The following NRG1 variants were observed in gnomAD, a reference collection of about 807,000 sequenced individuals.
NRG1 encodes pro-neuregulin-1, membrane-bound isoform.
In NRG1, 18 loss-of-function variants were observed where a neutral mutation model predicts 63.8. The observed-to-expected ratio is 0.28, with a 90% CI of 0.19 to 0.42. The LOEUF is 0.42. Ranked by LOEUF, NRG1 falls within the 10% of genes least tolerant of loss-of-function variation. The probability of loss-of-function intolerance (pLI) is 1.00; values close to 1 mark genes in which losing one functional copy is unlikely to be tolerated. For synonymous variants in NRG1, 302 were observed against 301.3 expected, an observed-to-expected ratio of 1.00 and a Z score of -0.02; for missense variants, 762 against 814.7, an observed-to-expected ratio of 0.94 and a Z score of 0.79.
intron 7 of NRG1, among the ~76,000 whole-genome samples, chr8:32,750,276 A>T (rs1018984107): frequency 1.3e-5 from 2 of 152,226 alleles, no homozygotes; most frequent in Non-Finnish European, 2.9e-5. Context: ...TTATCCAGAC[A>T]AGTAATCAAA....
Position 31,712,991 on chromosome 8 carries a change from A to T in NRG1, c.37+73560A>T, listed in dbSNP as rs112218995. On this transcript the variant is annotated intron_variant, in intron 1 of 10. Transcript: ENST00000519301. ...TCTCTGTCCATCCATCCACCCATCC[A>T]TCCATCCATCCATCCATCCATCCAT... 4.3e-4 allele frequency among the ~76,000 whole-genome samples: 16 copies of T among 37,198 alleles called. 1 individual carries two copies. The highest frequency in any genetic ancestry group is 1.4e-3 in the African/African-American group (14 of 9,712). 24.4% of individuals were successfully genotyped at this position (37,198 alleles called of 152,430 possible).
intron 5 of NRG1, among the ~76,000 whole-genome samples, chr8:32,718,149 C>A (rs73675423): frequency 0.019 from 2,952 of 152,076 alleles, 104 homozygotes; most frequent in African/African-American, 0.068. Context: ...TTAGTGTTAC[C>A]GGTGAGTATT....
At chr8:31,790,042 G>A (rs1280974689) in intron 1 of NRG1, among the ~76,000 whole-genome samples, 1 of 152,206 alleles carries the variant, frequency 6.6e-6, no homozygotes, top group African/African-American at 2.4e-5. Context: ...GTAAATAGCT[G>A]TGTTTTGGAT....
intron 1 of NRG1, among the ~76,000 whole-genome samples, chr8:31,779,914 A>C (rs968268806): frequency 1.3e-5 from 2 of 152,258 alleles, no homozygotes; most frequent in Non-Finnish European, 2.9e-5. Context: ...TTAGGGAATA[A>C]AGTATTCTTG....
intron 1 of NRG1, among the ~76,000 whole-genome samples, chr8:31,857,713 C>G (rs140294806): frequency 9.8e-5 from 15 of 152,308 alleles, no homozygotes; most frequent in African/African-American, 3.6e-4. Context: ...TTGCTAATGA[C>G]TTACTACTTG....
chr8:32,743,012 T>C, intron 7 of NRG1: 2 of 1,234,598 alleles, frequency 1.6e-6, no homozygotes, highest in Non-Finnish European at 2.0e-6. Flanking sequence ...TGATAGTCAA[T>C]ATCAAGCAGT....
chr8:32,019,284 C>G (rs7006547), intron 1 of NRG1, among the ~76,000 whole-genome samples: 63,193 of 151,962 alleles, frequency 0.42, 15,708 homozygotes, highest in African/African-American at 0.68. Context: ...ATTTTTAGTA[C>G]AGACGGGTTT....
At chr8:32,725,563 C>T (rs914424461) in intron 5 of NRG1, among the ~76,000 whole-genome samples, 3 of 147,200 alleles carry the variant, frequency 2.0e-5, no homozygotes, top group Admixed American at 6.9e-5. Context: ...GCAACCACCA[C>T]CTCCCAGGTT....
At chr8:31,868,165 C>A (rs1174978929) in intron 1 of NRG1, among the ~76,000 whole-genome samples, 1 of 150,628 alleles carries the variant, frequency 6.6e-6, no homozygotes, top group Non-Finnish European at 1.5e-5. Flanking sequence ...CACACACACA[C>A]ACACACACAC....
chr8:32,164,110 T>A (rs1261959066), intron 1 of NRG1, among the ~76,000 whole-genome samples: 2 of 152,182 alleles, frequency 1.3e-5, no homozygotes. Flanking sequence ...TTCATCCTTC[T>A]TTATGTTCTG....
At chr8:32,023,215 A>C (rs1816729480) in intron 1 of NRG1, among the ~76,000 whole-genome samples, 1 of 152,222 alleles carries the variant, frequency 6.6e-6, no homozygotes, top group Non-Finnish European at 1.5e-5. Context: ...ATTTCCCTTC[A>C]AATTCCTTCT....
chr8:32,157,338 A>C (rs1339485984), intron 1 of NRG1, among the ~76,000 whole-genome samples: 1 of 136,660 alleles, frequency 7.3e-6, no homozygotes, highest in African/African-American at 2.9e-5. Context: ...GCACTTCAGA[A>C]ACAGAGTGAG....
intron 1 of NRG1, among the ~76,000 whole-genome samples, chr8:32,343,560 A>T (rs1478072498): frequency 1.3e-5 from 2 of 152,142 alleles, no homozygotes; most frequent in Non-Finnish European, 2.9e-5. Flanking sequence ...AGCCTCAATG[A>T]CCTAATAAGC....
At chr8:32,076,101 C>A (rs149413423) in intron 1 of NRG1, among the ~76,000 whole-genome samples, 1 of 152,200 alleles carries the variant, frequency 6.6e-6, no homozygotes, top group African/African-American at 2.4e-5. Flanking sequence ...CTCCCCTGTT[C>A]TTTTCTGCCT....
intron 1 of NRG1, among the ~76,000 whole-genome samples, chr8:31,853,154 A>T (rs562011486): frequency 2.2e-4 from 34 of 152,248 alleles, no homozygotes; most frequent in Admixed American, 1.4e-3. Context: ...GAAGAAAGTC[A>T]TTGATAGCTT....
intron 1 of NRG1, among the ~76,000 whole-genome samples, chr8:32,108,131 C>T (rs184763156): frequency 6.6e-6 from 1 of 152,182 alleles, no homozygotes; most frequent in East Asian, 1.9e-4. Flanking sequence ...AGAACCATGA[C>T]CCTCCTCAAA....
rs567144670 is a variant in NRG1, at chr8:31,830,033, G to A, written c.37+190602G>A. On this transcript the variant is annotated intron_variant, in intron 1 of 10. Transcript: ENST00000519301. ...CCATCTAAACTTTTCTTTCTGGTGAGTTGATCTGTTTTGAGATTTTACACT... is the reference window on the plus strand; with the variant it reads ...CCATCTAAACTTTTCTTTCTGGTGAATTGATCTGTTTTGAGATTTTACACT... Among the ~76,000 whole-genome samples the A allele has an allele frequency of 2.6e-5, 4 of 152,290 alleles. No individual in the cohort carries two copies. The East Asian group carries it at 5.8e-4, about 22-fold the overall frequency.
chr8:31,993,467 G>A (rs1196945157), intron 1 of NRG1, among the ~76,000 whole-genome samples: 1 of 151,942 alleles, frequency 6.6e-6, no homozygotes, highest in African/African-American at 2.4e-5. Context: ...AATCATGGGG[G>A]CAGTTTCCCC....
chr8:32,001,525 A>G lies in NRG1; in HGVS notation c.37+362094A>G, dbSNP rs568191259. On this transcript the variant is annotated intron_variant, in intron 1 of 10. Coordinates refer to the NRG1 transcript ENST00000519301. ...GGCAGCATGAGAAAGGACTAATACAATATCAATAGATATTGATATCAATTA... is the reference window on the plus strand; with the variant it reads ...GGCAGCATGAGAAAGGACTAATACAGTATCAATAGATATTGATATCAATTA... 3.9e-5 allele frequency among the ~76,000 whole-genome samples: 6 copies of G among 152,122 alleles called. No homozygotes were observed. In the East Asian group the frequency reaches 5.8e-4, roughly 15 times the overall value.
Sources: allele counts gnomAD v4.1 joint callset (sites outside exome capture counted in the v4.1 genomes callset), GRCh38; gene constraint gnomAD v4.1.1; transcripts MANE v1.5; gene names NCBI Gene and HGNC (gene_info 2026-07-23, HGNC 2026-07-21).